Variants in OSBPL10 observed in about 807,000 individuals in gnomAD.
OSBPL10 encodes oxysterol binding protein like 10.
Under a neutral mutation model 81.7 loss-of-function variants are expected in OSBPL10, and 49 were observed. The observed-to-expected ratio is 0.60, with a 90% CI of 0.48 to 0.76. The LOEUF is 0.76. Among genes scored for constraint, OSBPL10 ranks in the 30% least tolerant of loss-of-function variants. The pLI is 0.00. For missense variants in OSBPL10, 923 were observed against 987.8 expected (o/e 0.93, Z 0.88); for synonymous variants, 419 against 383.6 (o/e 1.09, Z -1.08).
At chr3:32,036,535 G>GT (rs766196685) in intron 2 of OSBPL10, among the ~76,000 whole-genome samples, 55 of 152,128 alleles carry the variant, frequency 3.6e-4, no homozygotes, top group Non-Finnish European at 7.5e-4. Context: ...TTACCATGGG[G>GT]TAAACCACCA....
intron 3 of OSBPL10, among the ~76,000 whole-genome samples, chr3:31,856,038 T>A (rs1700904032): frequency 6.7e-6 from 1 of 149,792 alleles, no homozygotes; most frequent in Non-Finnish European, 1.5e-5. Context: ...TATATATGTA[T>A]AATATATGTT....
chr3:31,867,788 A>G (rs1259683354), intron 3 of OSBPL10, among the ~76,000 whole-genome samples: 1 of 151,802 alleles, frequency 6.6e-6, no homozygotes, highest in Non-Finnish European at 1.5e-5. Context: ...GGAGGGAGGG[A>G]AACAGACAGA....
At chr3:31,995,751 C>T (rs1311783397) in intron 2 of OSBPL10, among the ~76,000 whole-genome samples, 3 of 152,160 alleles carry the variant, frequency 2.0e-5, no homozygotes, top group Non-Finnish European at 4.4e-5. Context: ...AATTTATGTT[C>T]CTCTGCTGAG....
intron 7 of OSBPL10, among the ~76,000 whole-genome samples, chr3:31,696,844 T>TTA (rs2125580568): frequency 6.6e-6 from 1 of 152,342 alleles, no homozygotes; most frequent in South Asian, 2.1e-4. Flanking sequence ...AACTCCAGAT[T>TTA]TGTATATATC....
At chr3:31,905,059 T>C (rs1246589191) in intron 1 of OSBPL10, among the ~76,000 whole-genome samples, 1 of 152,230 alleles carries the variant, frequency 6.6e-6, no homozygotes, top group East Asian at 1.9e-4. Flanking sequence ...TGAAGTAAGT[T>C]ATTTGTAAAA....
chr3:31,902,345 C>A (rs796383710), intron 1 of OSBPL10, among the ~76,000 whole-genome samples: 1 of 149,454 alleles, frequency 6.7e-6, no homozygotes, highest in African/African-American at 2.5e-5. Context: ...TTACTGCAAC[C>A]TCTGCCTCCC....
intron 6 of OSBPL10, among the ~76,000 whole-genome samples, chr3:31,725,908 T>C (rs962954568): frequency 6.6e-6 from 1 of 152,120 alleles, no homozygotes; most frequent in Admixed American, 6.5e-5. Context: ...TACTCTGGAG[T>C]TTCCAGAGAA....
chr3:31,965,725 A>T (rs1384714392), intron 1 of OSBPL10, among the ~76,000 whole-genome samples: 9 of 62,772 alleles, frequency 1.4e-4, no homozygotes, highest in African/African-American at 2.0e-4. Context: ...ATATAATATA[A>T]TATATATTAT....
intron 2 of OSBPL10, among the ~76,000 whole-genome samples, chr3:31,997,737 T>A (rs1372146531): frequency 6.6e-6 from 1 of 152,094 alleles, no homozygotes; most frequent in Non-Finnish European, 1.5e-5. Context: ...TGCCTCTTCC[T>A]TGTCATGGAG....
intron 6 of OSBPL10, among the ~76,000 whole-genome samples, chr3:31,715,096 T>G (rs1054669872): frequency 6.6e-6 from 1 of 151,916 alleles, no homozygotes; most frequent in African/African-American, 2.4e-5. Flanking sequence ...CTCCTAAACT[T>G]CCTCTAGCCT....
At chr3:32,038,352 G>A (rs767644210) in intron 2 of OSBPL10, among the ~76,000 whole-genome samples, 10 of 152,046 alleles carry the variant, frequency 6.6e-5, no homozygotes, top group Non-Finnish European at 1.2e-4. Flanking sequence ...TTGAGCCAGC[G>A]TCTCACTCTG....
Position 31,662,060 on chromosome 3 carries a change from A to G in OSBPL10, c.*12T>C. 1.2e-6 allele frequency: 2 copies of G among 1,613,486 alleles called. No homozygotes were observed. The highest frequency in any genetic ancestry group is 1.7e-6 in the Non-Finnish European group (2 of 1,179,760). On this transcript the variant is annotated 3_prime_UTR_variant, in exon 12 of 12. Coordinates refer to ENST00000396556, the MANE Select transcript of OSBPL10 (RefSeq NM_017784.5). The stretch of plus-strand genomic sequence containing the variant: ...ACAGGGCTATACTGGAAAGCTCTGC[A>G]CCTCCACCCCATCAGTGTGCTTTCC...
chr3:31,785,670 A>G lies in OSBPL10; in HGVS notation c.730-37550T>C, dbSNP rs148928416. On this transcript the variant is annotated intron_variant, in intron 4 of 11. Transcript: ENST00000396556. ...TCTTTTCATTCTATAAAATGAAGAGACTGAACTAGATTGCCTCGGCATGTT... is the reference window on the plus strand; with the variant it reads ...TCTTTTCATTCTATAAAATGAAGAGGCTGAACTAGATTGCCTCGGCATGTT... Among the ~76,000 whole-genome samples the G allele has an allele frequency of 2.5e-3, 376 of 152,080 alleles. 1 individual carries two copies. Among genetic ancestry groups the G allele is most frequent in the African/African-American group, 8.8e-3 (364 of 41,474 alleles).
intron 1 of OSBPL10, among the ~76,000 whole-genome samples, chr3:31,931,872 T>C (rs1334342236): frequency 1.3e-5 from 2 of 152,038 alleles, no homozygotes; most frequent in African/African-American, 2.4e-5. Flanking sequence ...AGTCCCAGAG[T>C]TCGAGACCAG....
chr3:32,050,413 TCTC>T lies in OSBPL10; in HGVS notation n.186-3813_186-3811del, dbSNP rs569164676. Among the ~76,000 whole-genome samples the T allele has an allele frequency of 1.2e-3, 179 of 152,306 alleles. 2 individuals carry two copies. Among genetic ancestry groups the T allele is most frequent in the African/African-American group, 4.2e-3 (175 of 41,566 alleles). On this transcript the variant is annotated intron_variant and non_coding_transcript_variant, in intron 1 of 3. Coordinates refer to the OSBPL10 transcript ENST00000479173. ...GATCTTTGCCATTTGTTGATTCTCT[TCTC>T]CTCCATGAACAACTTCTAACTTCCC...
At chr3:31,742,111 A>G (rs759223067) in intron 5 of OSBPL10, among the ~76,000 whole-genome samples, 3 of 152,270 alleles carry the variant, frequency 2.0e-5, no homozygotes, top group African/African-American at 4.8e-5. Context: ...AAAGGTGACT[A>G]TAAGTGGGGC....
In OSBPL10 at chr3:31,913,373, C is replaced by T. The variant is rs144379525; in HGVS notation, c.282-33543G>A. Among the ~76,000 whole-genome samples the T allele has an allele frequency of 5.2e-3, 797 of 151,970 alleles. 3 individuals are homozygous for T. Among genetic ancestry groups the T allele is most frequent in the African/African-American group, 0.018 (756 of 41,440 alleles). On this transcript the variant is annotated intron_variant, in intron 1 of 11. Transcript: ENST00000396556. ...AAGCGATTCTCCTGCCTCAGCCTCCCGAGTAGCTGGGACTACAGGCGCACA... is the reference window on the plus strand; with the variant it reads ...AAGCGATTCTCCTGCCTCAGCCTCCTGAGTAGCTGGGACTACAGGCGCACA...
chr3:31,964,447 G>T (rs371243606), intron 1 of OSBPL10, among the ~76,000 whole-genome samples: 216 of 151,996 alleles, frequency 1.4e-3, no homozygotes, highest in African/African-American at 5.0e-3. Context: ...GTCAGCCATG[G>T]CACCTGCCCT....
At position 31,848,453 on chromosome 3, in the gene OSBPL10, G is replaced by A. The variant is rs9819111; in HGVS notation, c.538-18222C>T. ...ACATGAATTCCATTATCTGGTTCCA[G>A]TTCCACCCAGTGACTTTTTTCGTCA... On this transcript the variant is annotated intron_variant, in intron 3 of 11. Coordinates refer to ENST00000396556, the MANE Select transcript of OSBPL10 (RefSeq NM_017784.5). 7.9e-3 allele frequency among the ~76,000 whole-genome samples: 1,207 copies of A among 152,074 alleles called. 18 individuals are homozygous for A. Among genetic ancestry groups the A allele is most frequent in the African/African-American group, 0.028 (1,148 of 41,478 alleles).
Sources: gnomAD v4.1 joint callset for allele counts (sites outside exome capture counted in the v4.1 genomes callset) on GRCh38, gnomAD v4.1.1 for gene constraint, MANE v1.5 for transcripts, NCBI Gene and HGNC (gene_info 2026-07-23, HGNC 2026-07-21) for gene names.